EML4: variants seen among roughly 807,000 people sequenced by gnomAD.
EML4 encodes the protein EMAP like 4, also known as echinoderm microtubule-associated protein-like 4.
In EML4, 72 loss-of-function variants were observed where a neutral mutation model predicts 129.0. That is an observed-to-expected ratio of 0.56 (90% confidence interval 0.46 to 0.68). The LOEUF (loss-of-function observed/expected upper bound fraction) is 0.68. Ranked by LOEUF, EML4 falls within the 30% of genes least tolerant of loss-of-function variation. EML4 has a pLI of 0.00. For synonymous variants in EML4, 532 were observed against 405.0 expected, an observed-to-expected ratio of 1.31 and a Z score of -3.77; for missense variants, 1,363 against 1,190.6, an observed-to-expected ratio of 1.14 and a Z score of -2.13.
intron 1 of EML4, among the ~76,000 whole-genome samples, chr2:42,219,867 A>C (rs1673453349): frequency 6.6e-6 from 1 of 151,512 alleles, no homozygotes; most frequent in African/African-American, 2.4e-5. Flanking sequence ...TGGGGGTTGC[A>C]GTGAGCCAAG....
intron 1 of EML4, among the ~76,000 whole-genome samples, chr2:42,243,894 G>C (rs913355889): frequency 6.6e-6 from 1 of 152,104 alleles, no homozygotes; most frequent in African/African-American, 2.4e-5. Context: ...AGTACATTCT[G>C]CCTTATTGTC....
chr2:42,265,245 C>A (rs1665991240), intron 6 of EML4, among the ~76,000 whole-genome samples: 1 of 152,076 alleles, frequency 6.6e-6, no homozygotes, highest in Non-Finnish European at 1.5e-5. Context: ...CCACACCCGG[C>A]TAATTTTTGG....
chr2:42,186,463 C>T (rs1215298756), intron 1 of EML4, among the ~76,000 whole-genome samples: 1 of 152,122 alleles, frequency 6.6e-6, no homozygotes, highest in Non-Finnish European at 1.5e-5. Flanking sequence ...AGACACATTC[C>T]TAAGAAATGT....
rs1196446907 is a variant in EML4, at chr2:42,310,335, TCCTTCC to T, written c.1968-5613_1968-5608del. Among the ~76,000 whole-genome samples the T allele has an allele frequency of 3.4e-5, 5 of 145,706 alleles. No individual in the cohort carries two copies. The Admixed American group carries it at 3.5e-4, about 10-fold the overall frequency. ...CCCCTTTCCCTTTCCCTTCCCCTTC[TCCTTCC>T]CCTTCCCCTTCCCTTTTCCCTTTTG... On this transcript the variant is annotated intron_variant, in intron 17 of 22. Coordinates refer to ENST00000318522, the MANE Select transcript of EML4 (RefSeq NM_019063.5).
chr2:42,214,148 C>G (rs977293242), intron 1 of EML4, among the ~76,000 whole-genome samples: 1 of 152,120 alleles, frequency 6.6e-6, no homozygotes, highest in Non-Finnish European at 1.5e-5. Flanking sequence ...TTAACTCTTT[C>G]TTAAGACAAC....
chr2:42,314,363 A>G (rs1669118719), intron 17 of EML4, among the ~76,000 whole-genome samples: 1 of 152,188 alleles, frequency 6.6e-6, no homozygotes, highest in African/African-American at 2.4e-5. Flanking sequence ...CCGTCTAAAA[A>G]AAAAAAATTG....
intron 1 of EML4, among the ~76,000 whole-genome samples, chr2:42,188,051 T>G (rs1671364623): frequency 6.6e-6 from 1 of 152,196 alleles, no homozygotes; most frequent in Admixed American, 6.5e-5. Context: ...ACACTGATGA[T>G]TTTTGTTCCA....
At chr2:42,207,590 T>G (rs1260129597) in intron 1 of EML4, among the ~76,000 whole-genome samples, 1 of 152,196 alleles carries the variant, frequency 6.6e-6, no homozygotes, top group Non-Finnish European at 1.5e-5. Context: ...CCTACCCAGT[T>G]CTAATAAATT....
chr2:42,186,246 C>G (rs1671242957), intron 1 of EML4, among the ~76,000 whole-genome samples: 1 of 151,998 alleles, frequency 6.6e-6, no homozygotes, highest in South Asian at 2.1e-4. Context: ...AACTACGTTA[C>G]TATGCACTTT....
intron 1 of EML4, among the ~76,000 whole-genome samples, chr2:42,184,413 C>T (rs537775157): frequency 4.6e-5 from 6 of 129,124 alleles, no homozygotes; most frequent in African/African-American, 1.8e-4. Context: ...GGCCCCGGTG[C>T]TAACACACCA....
At chr2:42,273,226 C>T (rs1666471363) in intron 6 of EML4, among the ~76,000 whole-genome samples, 1 of 152,074 alleles carries the variant, frequency 6.6e-6, no homozygotes, top group Non-Finnish European at 1.5e-5. Flanking sequence ...AAAAATAAAA[C>T]CATATTTTGC....
chr2:42,210,258 G>A (rs906301949), intron 1 of EML4, among the ~76,000 whole-genome samples: 3 of 151,950 alleles, frequency 2.0e-5, no homozygotes, highest in African/African-American at 4.8e-5. Context: ...TTGATACCTC[G>A]ACAGTTTTAA....
chr2:42,280,796 G>T, intron 6 of EML4, 54 bp from the exon 7 acceptor site: 2 of 1,415,552 alleles, frequency 1.4e-6, no homozygotes, highest in Non-Finnish European at 1.9e-6. Context: ...ATCCACTTTT[G>T]TATGACTATA....
intron 1 of EML4, among the ~76,000 whole-genome samples, chr2:42,212,188 T>C (rs1042824783): frequency 1.3e-5 from 2 of 152,188 alleles, no homozygotes; most frequent in Non-Finnish European, 2.9e-5. Context: ...TGGCTTTCTT[T>C]AAGCCTTGTG....
chr2:42,175,319 T>C (rs373023553), intron 1 of EML4, among the ~76,000 whole-genome samples: 40 of 151,832 alleles, frequency 2.6e-4, no homozygotes, highest in African/African-American at 9.0e-4. Context: ...TTCACTGTGT[T>C]AGCCAGGATG....
chr2:42,245,704 G>T lies in EML4; in HGVS notation c.208+17G>T. 6.4e-7 allele frequency: 1 copy of T among 1,554,978 alleles called. No individual in the cohort carries two copies. The highest frequency in any genetic ancestry group is 1.4e-5 in the African/African-American group (1 of 72,154). On this transcript the variant is annotated intron_variant, in intron 2 of 22. Coordinates refer to ENST00000318522, the MANE Select transcript of EML4 (RefSeq NM_019063.5). Reference sequence around the variant, plus strand: ...CAAGTAAAGGTAATTGTGTTGTAAAGTTAAAAAGAGTCTTGCTTTTTGCAA... The same window carrying T: ...CAAGTAAAGGTAATTGTGTTGTAAATTTAAAAAGAGTCTTGCTTTTTGCAA...
chr2:42,220,104 T>G (rs1673478979), intron 1 of EML4, among the ~76,000 whole-genome samples: 1 of 152,048 alleles, frequency 6.6e-6, no homozygotes, highest in African/African-American at 2.4e-5. Context: ...AACAGCAAAA[T>G]TCTCAAAAAA....
chr2:42,187,281 C>G (rs1296377758), intron 1 of EML4, among the ~76,000 whole-genome samples: 1 of 151,912 alleles, frequency 6.6e-6, no homozygotes, highest in Non-Finnish European at 1.5e-5. Context: ...ACTCTGGGCT[C>G]AAGTGATCTG....
intron 1 of EML4, among the ~76,000 whole-genome samples, chr2:42,200,937 A>G (rs565944665): frequency 6.6e-6 from 1 of 152,182 alleles, no homozygotes; most frequent in Non-Finnish European, 1.5e-5. Context: ...CCTGTTCTCC[A>G]TGGGCTGCCT....
Sources: allele counts gnomAD v4.1 joint callset (sites outside exome capture counted in the v4.1 genomes callset), GRCh38; gene constraint gnomAD v4.1.1; transcripts MANE v1.5; gene names NCBI Gene and HGNC (gene_info 2026-07-23, HGNC 2026-07-21).